Variants in SLC2A7 observed in about 807,000 individuals in gnomAD.
The protein encoded by SLC2A7 is solute carrier family 2 member 7, also known as solute carrier family 2, facilitated glucose transporter member 7.
A neutral mutation model predicts 50.5 loss-of-function variants in SLC2A7; 50 were observed. That is an observed-to-expected ratio of 0.99 (90% CI 0.79 to 1.25). SLC2A7 has a LOEUF of 1.25. Among genes scored for constraint, SLC2A7 ranks in the 50% most tolerant of loss-of-function variants. SLC2A7 has a pLI of 0.00. For missense variants in SLC2A7, 683 were observed against 679.1 expected, an observed-to-expected ratio of 1.01 and a Z score of -0.06; for synonymous variants, 308 against 300.4, an observed-to-expected ratio of 1.03 and a Z score of -0.26.
Position 9,014,885 on chromosome 1 carries a change from C to T in SLC2A7, c.716-17G>A, listed in dbSNP as rs762915853. ...TCCTCAGAGCTGCGGAAAGCAGAACCACCCGCTCAGAGGGCCGTCTCCCTG... is the reference window on the plus strand; with the variant it reads ...TCCTCAGAGCTGCGGAAAGCAGAACTACCCGCTCAGAGGGCCGTCTCCCTG... On this transcript the variant is annotated splice_polypyrimidine_tract_variant and intron_variant, in intron 6 of 11. Coordinates refer to ENST00000400906, the MANE Select transcript of SLC2A7 (RefSeq NM_207420.3). The T allele has an allele frequency of 2.5e-5, 39 of 1,575,304 alleles. No homozygotes were observed. Among genetic ancestry groups the T allele is most frequent in the South Asian group, 2.3e-4 (20 of 87,084 alleles).
In SLC2A7 at chr1:9,015,515, C is replaced by T. The variant is rs868153429; in HGVS notation, c.590-273G>A. ...ACACTTGAACCCCGGAGAAAATGAGCTCAGTCTTGTTCCTACTTTTATAGC... is the reference window on the plus strand; with the variant it reads ...ACACTTGAACCCCGGAGAAAATGAGTTCAGTCTTGTTCCTACTTTTATAGC... On this transcript the variant is annotated intron_variant, in intron 5 of 11. Coordinates refer to ENST00000400906, the MANE Select transcript of SLC2A7 (RefSeq NM_207420.3). Among the ~76,000 whole-genome samples the T allele has an allele frequency of 2.8e-4, 43 of 152,148 alleles. 1 individual carries two copies. The highest frequency in any genetic ancestry group is 3.2e-3 in the Middle Eastern group (1 of 316).
intron 9 of SLC2A7, among the ~76,000 whole-genome samples, chr1:9,007,773 C>T (rs2124239931): frequency 6.7e-6 from 1 of 148,770 alleles, no homozygotes. Context: ...GAGTCTCGCT[C>T]TGTCGCCCAG....
chr1:9,011,084 C>T (rs530327637), intron 8 of SLC2A7, among the ~76,000 whole-genome samples: 13 of 152,186 alleles, frequency 8.5e-5, no homozygotes, highest in Admixed American at 2.0e-4. Context: ...CTGTGGTCCC[C>T]GACCCTGAGG....
chr1:9,002,278 G>C (rs1365730568), downstream of SLC2A7, among the ~76,000 whole-genome samples: 1 of 152,122 alleles, frequency 6.6e-6, no homozygotes, highest in Non-Finnish European at 1.5e-5. Context: ...GAAAGAGGAA[G>C]GCCTCTTTGC....
At position 9,025,004 on chromosome 1, in the gene SLC2A7, T is replaced by C. The variant is rs773812755; in HGVS notation, c.122A>G (p.Asn41Ser). The part of the protein sequence containing the change: ...AFGSAFQYGY[N>S]LSVVNTPHKV... ...GTGCGGCGTGTTGACCACAGAGAGG[T>C]TGTAGCCGTACTGGAAGGCTGAGCC... Residue 41 changes from asparagine to serine, a missense_variant, in exon 2 of 12, where the codon AAC becomes AGC. Asn to Ser is a conservative substitution (Grantham distance 46). Coordinates refer to ENST00000400906, the MANE Select transcript of SLC2A7 (RefSeq NM_207420.3). 8.1e-6 allele frequency: 13 copies of C among 1,610,784 alleles called. No individual in the cohort carries two copies. The highest frequency in any genetic ancestry group is 2.7e-5 in the African/African-American group (2 of 73,414).
downstream of SLC2A7, among the ~76,000 whole-genome samples, chr1:8,997,983 TTG>T (rs1640530330): frequency 2.6e-5 from 4 of 152,312 alleles, 1 homozygote; most frequent in African/African-American, 9.6e-5. Flanking sequence ...CTGCTCCAGT[TTG>T]TGTTCATTTG....
At chr1:8,994,840 G>A in the SLC2A7 span, among the ~76,000 whole-genome samples, 3 of 151,566 alleles carry the variant, frequency 2.0e-5, no homozygotes, top group Admixed American at 1.3e-4. Context: ...GCACAATCTC[G>A]GCTCACTGCA....
At position 9,026,405 on chromosome 1, in the gene SLC2A7, A is replaced by G; in HGVS notation, c.-60T>C. On this transcript the variant is annotated 5_prime_UTR_variant, in exon 1 of 12. Transcript: ENST00000400906. ...TCCCAAGTGACACCTGCTCTGCGCC[A>G]GCCACCTAAAGACCGGCTGTTTCTC... The G allele has an allele frequency of 3.3e-6, 5 of 1,500,280 alleles. No homozygotes were observed. The South Asian group carries it at 6.3e-5, about 19-fold the overall frequency. 92.9% of individuals were successfully genotyped at this position (1,500,280 alleles called of 1,614,324 possible).
rs983511639 is a variant in SLC2A7, at chr1:9,014,639, T to C, written c.903+42A>G. ...TGTGTTGCTATCCATGAAGCCTGGGTCTGCTTCATCTGTCTCCCTGCCTGG... is the reference window on the plus strand; with the variant it reads ...TGTGTTGCTATCCATGAAGCCTGGGCCTGCTTCATCTGTCTCCCTGCCTGG... On this transcript the variant is annotated intron_variant, in intron 7 of 11. Coordinates refer to ENST00000400906, the MANE Select transcript of SLC2A7 (RefSeq NM_207420.3). The C allele has an allele frequency of 7.8e-6, 12 of 1,546,358 alleles. No homozygotes were observed. In the African/African-American group the frequency reaches 1.5e-4, roughly 19 times the overall value.
At chr1:9,007,250 T>C in intron 10 of SLC2A7, 60 bp downstream of exon 10, 1 of 1,574,772 alleles carries the variant, frequency 6.4e-7, no homozygotes, top group South Asian at 1.1e-5. Context: ...GCACTGACTG[T>C]GTGTCAGGCC....
At position 9,022,929 on chromosome 1, in the gene SLC2A7, A is replaced by G. The variant is rs759584570; in HGVS notation, c.300T>C (p.Asp100=). ...CACCTTCTGTTTACCTGCCGCAGCT[A>G]TCAACCAGCAGGCCCACGAGCAATG... ...LGSLLVGLLV[D]SCGRKGTLLI... The change falls in exon 3 of 12, where the codon GAT becomes GAC. Residue 100 remains aspartate, a synonymous_variant. Coordinates refer to ENST00000400906, the MANE Select transcript of SLC2A7 (RefSeq NM_207420.3). 5 of 1,614,054 alleles carry G rather than the reference A, an allele frequency of 3.1e-6. No homozygotes were observed. The highest frequency in any genetic ancestry group is 2.2e-5 in the South Asian group (2 of 91,054).
At chr1:9,025,277 G>A (rs907132666) in intron 1 of SLC2A7, among the ~76,000 whole-genome samples, 3 of 152,196 alleles carry the variant, frequency 2.0e-5, no homozygotes, top group African/African-American at 7.2e-5. Flanking sequence ...CCCTCCTTGA[G>A]GATGTATCTG....
At chr1:9,018,198 C>A in intron 5 of SLC2A7, 25 bp downstream of exon 5, 3 of 1,613,888 alleles carry the variant, frequency 1.9e-6, no homozygotes, top group Non-Finnish European at 1.7e-6. Context: ...CTGGACCTAG[C>A]GTGACCTCTG....
At chr1:8,994,188 C>T in the SLC2A7 span, among the ~76,000 whole-genome samples, 12 of 152,344 alleles carry the variant, frequency 7.9e-5, no homozygotes, top group East Asian at 1.9e-3. Context: ...AATGAGTGGG[C>T]TGACCTAAGG....
Position 9,003,256 on chromosome 1 carries a change from G to C in SLC2A7, c.*44C>G. The C allele has an allele frequency of 1.3e-6, 2 of 1,595,782 alleles. No individual in the cohort carries two copies. The highest frequency in any genetic ancestry group is 1.7e-6 in the Non-Finnish European group (2 of 1,166,250). Reference sequence around the variant, plus strand: ...TGGGGCCGGGAGGCCCATTGTCATAGAAGGAAGCCTTGAATATGGGCTCCC... The same window carrying C: ...TGGGGCCGGGAGGCCCATTGTCATACAAGGAAGCCTTGAATATGGGCTCCC... On this transcript the variant is annotated 3_prime_UTR_variant, in exon 12 of 12. Transcript: ENST00000400906.
At position 9,024,946 on chromosome 1, in the gene SLC2A7, C is replaced by T. The variant is rs545176593; in HGVS notation, c.150+30G>A. The T allele has an allele frequency of 8.5e-5, 134 of 1,579,134 alleles. No homozygotes were observed. In the African/African-American group the frequency reaches 1.5e-3, roughly 18 times the overall value. On this transcript the variant is annotated intron_variant, in intron 2 of 11. Coordinates refer to ENST00000400906, the MANE Select transcript of SLC2A7 (RefSeq NM_207420.3). The stretch of plus-strand genomic sequence containing the variant: ...CCCACGACCCCGGTCAGCTGCTGCC[C>T]GGCCCACCTTGTGCCCACCTTGTGC...
chr1:9,009,629 T>C (rs187297544), intron 9 of SLC2A7, among the ~76,000 whole-genome samples: 1 of 152,260 alleles, frequency 6.6e-6, no homozygotes, highest in Non-Finnish European at 1.5e-5. Context: ...GAAAACGTTT[T>C]GTATTTTTTG....
At position 9,003,428 on chromosome 1, in the gene SLC2A7, C is replaced by T. The variant is rs1426295886; in HGVS notation, c.1411G>A (p.Gly471Ser). 6.2e-7 allele frequency: 1 copy of T among 1,614,178 alleles called. No homozygotes were observed. Among genetic ancestry groups the T allele is most frequent in the East Asian group, 2.2e-5 (1 of 44,888 alleles). The part of the protein sequence containing the change: ...YIYVVIPETK[G>S]KTFVEINRIF... The stretch of plus-strand genomic sequence containing the variant: ...CGGTTTATCTCCACAAATGTTTTGC[C>T]CTTGGTCTCCGGAATAACCACGTAG... Residue 471 changes from glycine (G) to serine (S), a missense_variant, in exon 12 of 12, where the codon GGC becomes AGC. Physicochemically the swap from Gly to Ser is moderately conservative, Grantham distance 56. Transcript: ENST00000400906.
chr1:9,004,961 T>G, intron 10 of SLC2A7, 82 bp from the exon 11 acceptor site: 1 of 1,483,338 alleles, frequency 6.7e-7, no homozygotes, highest in Non-Finnish European at 9.1e-7. Context: ...CACTCTAGCC[T>G]CTGACCTAGG....
Sources: gnomAD v4.1 joint callset for allele counts (sites outside exome capture counted in the v4.1 genomes callset) on GRCh38, gnomAD v4.1.1 for gene constraint, MANE v1.5 for transcripts, NCBI Gene and HGNC (gene_info 2026-07-23, HGNC 2026-07-21) for gene names.